Variants in PIEZO2 observed in about 807,000 individuals in gnomAD.
PIEZO2 encodes the protein piezo-type mechanosensitive ion channel component 2.
Under a neutral mutation model 337.3 loss-of-function variants are expected in PIEZO2, and 172 were observed. That is an observed-to-expected ratio of 0.51 (90% CI 0.45 to 0.58). The LOEUF (loss-of-function observed/expected upper bound fraction) is 0.58, where lower values mean the gene tolerates loss of function less well. Ranked by LOEUF, PIEZO2 falls within the 20% of genes least tolerant of loss-of-function variation. PIEZO2 has a pLI of 0.00. For missense variants in PIEZO2, 3,028 were observed against 3,391.3 expected (o/e 0.89, Z 2.66); for synonymous variants, 1,251 against 1,228.5 (o/e 1.02, Z -0.38).
chr18:10,704,240 G>A, intron 42 of PIEZO2, 154 bp downstream of exon 42: 2 of 1,053,548 alleles, frequency 1.9e-6, no homozygotes, highest in Non-Finnish European at 2.7e-6. Context: ...CTGACGATTT[G>A]TGTATCTAAG....
In PIEZO2 at chr18:11,028,505, C is replaced by T. The variant is rs750308511; in HGVS notation, c.160+37622G>A. 3.9e-5 allele frequency among the ~76,000 whole-genome samples: 6 copies of T among 152,144 alleles called. No individual in the cohort carries two copies. Among genetic ancestry groups the T allele is most frequent in the African/African-American group, 7.2e-5 (3 of 41,420 alleles). ...CGAACTCCTGACCTCAGATGATCCG[C>T]CAGCCTTGGACTCCCAAAGTGCTGG... On this transcript the variant is annotated intron_variant, in intron 2 of 55. Transcript: ENST00000674853. This position sits in a 1 kb window ranked among gnomAD's most constrained non-coding sequence, Gnocchi z 4.8.
At chr18:11,062,669 T>C (rs2038009979) in intron 2 of PIEZO2, among the ~76,000 whole-genome samples, 2 of 152,222 alleles carry the variant, frequency 1.3e-5, no homozygotes, top group Non-Finnish European at 2.9e-5. Flanking sequence ...ATGCTCATCA[T>C]CACTGGCCAT....
chr18:11,124,511 C>A (rs1221154333), intron 1 of PIEZO2, among the ~76,000 whole-genome samples: 1 of 152,128 alleles, frequency 6.6e-6, no homozygotes, highest in Admixed American at 6.5e-5. Flanking sequence ...AGATACGTGC[C>A]GAATGGTCAG....
chr18:10,734,194 A>G (rs2036902118), intron 35 of PIEZO2, among the ~76,000 whole-genome samples: 1 of 152,242 alleles, frequency 6.6e-6, no homozygotes, highest in Non-Finnish European at 1.5e-5. Flanking sequence ...ATATGAATTG[A>G]GAAAGTCATA....
In PIEZO2 at chr18:10,791,191, A is replaced by T; in HGVS notation, c.1882+10T>A. The T allele has an allele frequency of 6.5e-7, 1 of 1,532,318 alleles. No homozygotes were observed. The highest frequency in any genetic ancestry group is 8.7e-7 in the Non-Finnish European group (1 of 1,144,488). The allele number at this position is 1,532,318 out of a possible 1,614,324, so 94.9% of individuals were successfully genotyped here. A position where few individuals can be genotyped will look rare whatever the true frequency, so the allele number is the denominator to read the frequency against. ...CCAAACTCTCCAGCCACACATATAC[A>T]CTAATTTACCTTTTTCTTCATTTTC... On this transcript the variant is annotated intron_variant, in intron 14 of 55. Coordinates refer to ENST00000674853, the MANE Select transcript of PIEZO2 (RefSeq NM_001378183.1).
rs1003412388 is a variant in PIEZO2 at position 11,016,099 on chromosome 18, C to G, written c.161-36439G>C. Among the ~76,000 whole-genome samples, 1 of 152,112 alleles carries G rather than the reference C, an allele frequency of 6.6e-6. No individual in the cohort carries two copies. The highest frequency in any genetic ancestry group is 2.4e-5 in the African/African-American group (1 of 41,432). On this transcript the variant is annotated intron_variant, in intron 2 of 55. Transcript: ENST00000674853. This position sits in a 1 kb window ranked among gnomAD's most constrained non-coding sequence, Gnocchi z 5.6. Reference sequence around the variant, plus strand: ...TCTCCATTGCTCCTGTAGACCCAAACCAACAACAGCAGGACCTCTTATTAA... The same window carrying G: ...TCTCCATTGCTCCTGTAGACCCAAAGCAACAACAGCAGGACCTCTTATTAA...
chr18:10,705,698 C>A lies in PIEZO2; in HGVS notation c.5637G>T (p.Glu1879Asp). The A allele has an allele frequency of 1.3e-6, 2 of 1,536,674 alleles. No individual in the cohort carries two copies. The highest frequency in any genetic ancestry group is 1.7e-6 in the Non-Finnish European group (2 of 1,146,706). Residue 1879 changes from glutamate to aspartate, a missense_variant, in exon 41 of 56, where the codon GAG (glutamate) becomes GAT (aspartate). Transcript: ENST00000674853. ...TMLYSRQGTT[E>D]TIEEVEAEQE... ...GCTCAGCCTCCACCTCCTCGATGGTCTCAGTGGTCCCCTGGCGTGAGTACA... is the reference window on the plus strand; with the variant it reads ...GCTCAGCCTCCACCTCCTCGATGGTATCAGTGGTCCCCTGGCGTGAGTACA...
chr18:10,749,300 A>G (rs1341494655), intron 29 of PIEZO2, among the ~76,000 whole-genome samples: 1 of 152,054 alleles, frequency 6.6e-6, no homozygotes, highest in African/African-American at 2.4e-5. Context: ...TTAAAAAATT[A>G]GCCAGGCATA....
rs36104181 is a variant in PIEZO2, at chr18:10,813,988, G to C, written c.918-6714C>G. ...CACCATATATTTTTTTTTTTTTTGA[G>C]ATGGAGTTTTGCTCTGTGGCCCAGG... On this transcript the variant is annotated intron_variant, in intron 7 of 55. Transcript: ENST00000674853. This position sits in a 1 kb window ranked among gnomAD's most constrained non-coding sequence, Gnocchi z 4.2. Among the ~76,000 whole-genome samples the C allele has an allele frequency of 0.087, 12,977 of 149,240 alleles. 778 individuals carry two copies. Among genetic ancestry groups the C allele is most frequent in the Non-Finnish European group, 0.13 (8,733 of 67,386 alleles).
Position 10,726,857 on chromosome 18 carries a change from C to T in PIEZO2, c.5029+4550G>A. 4.4e-6 allele frequency: 7 copies of T among 1,594,118 alleles called. No individual in the cohort carries two copies. The highest frequency in any genetic ancestry group is 6.0e-6 in the Non-Finnish European group (7 of 1,164,690). ...ATGCCCCACCTTATGCAGGACTTGG[C>T]ACGCTACCGGCAGCAGCTGAAGCAC... is the stretch of plus-strand genomic sequence containing the variant. On this transcript the variant is annotated intron_variant, in intron 36 of 55. Coordinates refer to ENST00000674853, the MANE Select transcript of PIEZO2 (RefSeq NM_001378183.1). This position sits in a 1 kb window ranked among gnomAD's most constrained non-coding sequence, Gnocchi z 5.9.
At chr18:10,786,103 C>A (rs2039213451) in intron 16 of PIEZO2, among the ~76,000 whole-genome samples, 1 of 152,220 alleles carries the variant, frequency 6.6e-6, no homozygotes, top group Admixed American at 6.5e-5. Context: ...CAAGCTTCTT[C>A]TAATGCTTCA....
intron 3 of PIEZO2, among the ~76,000 whole-genome samples, chr18:10,951,037 C>T (rs989795670): frequency 2.0e-5 from 3 of 152,140 alleles, no homozygotes; most frequent in Non-Finnish European, 4.4e-5. Context: ...ACTCAGGGCA[C>T]ACAACATTGC....
chr18:10,961,014 C>A (rs2033751430), intron 3 of PIEZO2, among the ~76,000 whole-genome samples: 1 of 151,772 alleles, frequency 6.6e-6, no homozygotes, highest in South Asian at 2.1e-4. Flanking sequence ...TCGTCTCTAC[C>A]AAAAATACAA....
intron 4 of PIEZO2, among the ~76,000 whole-genome samples, chr18:10,893,847 T>C (rs1312460604): frequency 6.6e-6 from 1 of 152,184 alleles, no homozygotes. Flanking sequence ...TCTTTGGGCA[T>C]CTACTAAATG....
intron 13 of PIEZO2, 84 bp from the exon 14 acceptor site, chr18:10,791,408 A>T: frequency 7.4e-7 from 1 of 1,353,366 alleles, no homozygotes; most frequent in Non-Finnish European, 9.7e-7. Context: ...TTTTCTCCGC[A>T]TTCCAGTGGG....
chr18:10,965,467 T>C (rs1003833697), intron 3 of PIEZO2, among the ~76,000 whole-genome samples: 1 of 152,208 alleles, frequency 6.6e-6, no homozygotes, highest in Non-Finnish European at 1.5e-5. Context: ...AGTAAGGATT[T>C]CTCAGGCTCA....
At chr18:10,720,315 A>G (rs962311712) in intron 36 of PIEZO2, among the ~76,000 whole-genome samples, 3 of 138,498 alleles carry the variant, frequency 2.2e-5, no homozygotes, top group East Asian at 2.0e-4. Flanking sequence ...CTGTGTGTAT[A>G]TATATATATA....
chr18:10,717,869 G>T (rs2036079512), intron 37 of PIEZO2, among the ~76,000 whole-genome samples: 1 of 152,152 alleles, frequency 6.6e-6, no homozygotes, highest in African/African-American at 2.4e-5. Context: ...ATAATTGCCA[G>T]TATTTTTTGT....
intron 1 of PIEZO2, among the ~76,000 whole-genome samples, chr18:11,141,147 T>C (rs749836926): frequency 3.9e-5 from 6 of 152,134 alleles, no homozygotes; most frequent in African/African-American, 1.4e-4. Context: ...GAAACCTACA[T>C]GGAAAACAGA....
Sources: allele counts gnomAD v4.1 joint callset (sites outside exome capture counted in the v4.1 genomes callset), GRCh38; gene constraint gnomAD v4.1.1; non-coding constraint Gnocchi (gnomAD v3.1); transcripts MANE v1.5; gene names NCBI Gene and HGNC (gene_info 2026-07-23, HGNC 2026-07-21).